The following SPOPL variants were observed in gnomAD, a reference collection of about 807,000 sequenced individuals.
SPOPL encodes the protein speckle type BTB/POZ protein like.
In SPOPL, 23 loss-of-function variants were observed where a neutral mutation model predicts 53.8. The ratio of observed to expected loss-of-function variants is 0.43; its 90% CI spans 0.31 to 0.61. SPOPL has a LOEUF of 0.61. Ranked by LOEUF, SPOPL falls within the 20% of genes least tolerant of loss-of-function variation. The pLI is 0.12. For missense variants in SPOPL, 442 were observed against 466.9 expected, an observed-to-expected ratio of 0.95 and a Z score of 0.49; for synonymous variants, 164 against 149.7, an observed-to-expected ratio of 1.10 and a Z score of -0.70.
At chr2:138,552,041 C>T (rs1317370396) in intron 4 of SPOPL, among the ~76,000 whole-genome samples, 11 of 151,854 alleles carry the variant, frequency 7.2e-5, no homozygotes, top group Non-Finnish European at 1.3e-4. Flanking sequence ...ATCTTTTTCA[C>T]AGGTTCATGG....
chr2:138,513,050 G>C (rs537484874), intron 1 of SPOPL, among the ~76,000 whole-genome samples: 2 of 152,348 alleles, frequency 1.3e-5, no homozygotes, highest in South Asian at 4.1e-4. Context: ...GGAGGTGACA[G>C]TCTGAGTGTG....
At chr2:138,520,775 T>C (rs897559812) in intron 1 of SPOPL, among the ~76,000 whole-genome samples, 1 of 152,350 alleles carries the variant, frequency 6.6e-6, no homozygotes, top group East Asian at 1.9e-4. Flanking sequence ...TAACTGCTAG[T>C]CTGGCCCATT....
intron 1 of SPOPL, among the ~76,000 whole-genome samples, chr2:138,530,025 A>G (rs1286056341): frequency 1.3e-5 from 2 of 151,796 alleles, no homozygotes; most frequent in African/African-American, 4.8e-5. Flanking sequence ...CTATGTGTCC[A>G]TGTGTTTCCA....
chr2:138,521,233 A>G (rs1684549600), intron 1 of SPOPL, among the ~76,000 whole-genome samples: 1 of 152,198 alleles, frequency 6.6e-6, no homozygotes, highest in Non-Finnish European at 1.5e-5. Context: ...GTGGAACTGG[A>G]CAGAGTTTAG....
intron 10 of SPOPL, among the ~76,000 whole-genome samples, chr2:138,566,810 A>G: frequency 6.6e-6 from 1 of 152,346 alleles, no homozygotes; most frequent in East Asian, 1.9e-4. Flanking sequence ...TAAATATATC[A>G]TTTCATTATA....
At chr2:138,513,358 A>T (rs1369834243) in intron 1 of SPOPL, among the ~76,000 whole-genome samples, 1 of 152,026 alleles carries the variant, frequency 6.6e-6, no homozygotes, top group Non-Finnish European at 1.5e-5. Context: ...ATTTGAGACT[A>T]GCCTGGCAAC....
At chr2:138,513,776 G>T (rs1186408920) in intron 1 of SPOPL, among the ~76,000 whole-genome samples, 3 of 148,832 alleles carry the variant, frequency 2.0e-5, no homozygotes, top group Non-Finnish European at 1.5e-5. Flanking sequence ...TTTGCATTCT[G>T]TTAACATACC....
At chr2:138,515,946 AG>A (rs1315605195) in intron 1 of SPOPL, among the ~76,000 whole-genome samples, 1 of 152,238 alleles carries the variant, frequency 6.6e-6, no homozygotes, top group Non-Finnish European at 1.5e-5. Flanking sequence ...TGCTAGTCAC[AG>A]GACTATTGGA....
Position 138,514,306 on chromosome 2 carries a change from C to T in SPOPL, c.-61+12187C>T, listed in dbSNP as rs143219201. ...TTTGGCCCAGAAAGGCAGGACAACT[C>T]GAAGCTGGGAGAGAGGGCTTCCGTT... is the stretch of plus-strand genomic sequence containing the variant. On this transcript the variant is annotated intron_variant, in intron 1 of 10. Coordinates refer to ENST00000280098, the MANE Select transcript of SPOPL (RefSeq NM_001001664.3). Among the ~76,000 whole-genome samples, 105 of 152,258 alleles carry T rather than the reference C, an allele frequency of 6.9e-4. 1 individual carries two copies. The highest frequency in any genetic ancestry group is 6.8e-3 in the Middle Eastern group (2 of 294).
chr2:138,518,287 G>T (rs1189797763), intron 1 of SPOPL, among the ~76,000 whole-genome samples: 1 of 152,046 alleles, frequency 6.6e-6, no homozygotes, highest in Non-Finnish European at 1.5e-5. Flanking sequence ...AGATGAATTT[G>T]TTTTAAAACT....
At chr2:138,515,319 C>G (rs1424451690) in intron 1 of SPOPL, among the ~76,000 whole-genome samples, 1 of 152,102 alleles carries the variant, frequency 6.6e-6, no homozygotes, top group East Asian at 1.9e-4. Context: ...TGCGCTTGTT[C>G]TTACTTGACC....
chr2:138,525,566 C>A (rs960182118), intron 1 of SPOPL, among the ~76,000 whole-genome samples: 1 of 149,864 alleles, frequency 6.7e-6, no homozygotes, highest in African/African-American at 2.5e-5. Context: ...ACCTGTAATC[C>A]CAGCACTTTG....
At chr2:138,559,983 G>A (rs1233248728) in intron 7 of SPOPL, among the ~76,000 whole-genome samples, 1 of 152,212 alleles carries the variant, frequency 6.6e-6, no homozygotes, top group East Asian at 1.9e-4. Context: ...TTTTGGTTTG[G>A]GGAGATGCTA....
chr2:138,533,606 T>G (rs993019701), intron 1 of SPOPL, among the ~76,000 whole-genome samples: 8 of 152,100 alleles, frequency 5.3e-5, no homozygotes, highest in Non-Finnish European at 1.0e-4. Context: ...ATTACTATTT[T>G]ATCACCTTTA....
intron 1 of SPOPL, among the ~76,000 whole-genome samples, chr2:138,549,425 A>T (rs1424721844): frequency 6.6e-6 from 1 of 152,126 alleles, no homozygotes; most frequent in Non-Finnish European, 1.5e-5. Context: ...TATGTAGCTT[A>T]TTCTGATTGT....
chr2:138,570,622 C>T lies in SPOPL; in HGVS notation c.*1542C>T, dbSNP rs749137031. 5 of 152,036 alleles carry T rather than the reference C, an allele frequency of 3.3e-5. No individual in the cohort carries two copies. The highest frequency in any genetic ancestry group is 4.8e-5 in the African/African-American group (2 of 41,402). 9.4% of individuals were successfully genotyped at this position (152,036 alleles called of 1,614,324 possible). On this transcript the variant is annotated 3_prime_UTR_variant, in exon 11 of 11. Transcript: ENST00000280098. ...GAAAAAGTGTGTCACTGGAAAAAAACGCATATACCTATGTTTGCAAACATA... is the reference window on the plus strand; with the variant it reads ...GAAAAAGTGTGTCACTGGAAAAAAATGCATATACCTATGTTTGCAAACATA...
At chr2:138,529,666 C>G (rs938205854) in intron 1 of SPOPL, among the ~76,000 whole-genome samples, 6 of 152,140 alleles carry the variant, frequency 3.9e-5, no homozygotes, top group Non-Finnish European at 7.4e-5. Flanking sequence ...AGTCTTTCAA[C>G]TTTGTTGTTC....
intron 8 of SPOPL, among the ~76,000 whole-genome samples, chr2:138,563,232 C>T (rs900334074): frequency 7.2e-5 from 11 of 152,134 alleles, no homozygotes; most frequent in African/African-American, 2.7e-4. Flanking sequence ...AATCCCAACA[C>T]GTTAGGAGGC....
At chr2:138,567,175 A>G (rs1573913192) in intron 10 of SPOPL, among the ~76,000 whole-genome samples, 1 of 152,216 alleles carries the variant, frequency 6.6e-6, no homozygotes, top group African/African-American at 2.4e-5. Context: ...GTAAAGCGTG[A>G]TGATAGGGAA....
Sources: allele counts gnomAD v4.1 joint callset (sites outside exome capture counted in the v4.1 genomes callset), GRCh38; gene constraint gnomAD v4.1.1; transcripts MANE v1.5; gene names NCBI Gene and HGNC (gene_info 2026-07-23, HGNC 2026-07-21).